MTA3: variants seen among roughly 807,000 people sequenced by gnomAD.
The protein encoded by MTA3 is metastasis associated 1 family member 3.
In MTA3, 34 loss-of-function variants were observed where a neutral mutation model predicts 83.5. The observed-to-expected ratio is 0.41, with a 90% CI of 0.31 to 0.54. The LOEUF (loss-of-function observed/expected upper bound fraction) is 0.54, where lower values mean the gene tolerates loss of function less well. Among genes scored for constraint, MTA3 ranks in the 20% least tolerant of loss-of-function variants. MTA3 has a pLI of 0.33. For synonymous variants in MTA3, 303 were observed against 252.7 expected (o/e 1.20, Z -1.89); for missense variants, 761 against 726.4 (o/e 1.05, Z -0.55).
chr2:42,740,372 A>C (rs1361077012), intron 16 of MTA3, among the ~76,000 whole-genome samples: 1 of 152,218 alleles, frequency 6.6e-6, no homozygotes, highest in Non-Finnish European at 1.5e-5. Flanking sequence ...CTTGCCAGTC[A>C]TAGTAGCACA....
chr2:42,735,239 T>C (rs1668523372), intron 16 of MTA3, among the ~76,000 whole-genome samples: 1 of 152,206 alleles, frequency 6.6e-6, no homozygotes, highest in South Asian at 2.1e-4. Flanking sequence ...GGATATACTA[T>C]TCTAAGATAA....
At chr2:42,727,783 A>G (rs189627530) in intron 16 of MTA3, among the ~76,000 whole-genome samples, 11 of 152,264 alleles carry the variant, frequency 7.2e-5, no homozygotes, top group Non-Finnish European at 1.0e-4. Context: ...TTACGATTGA[A>G]AATTTTCATG....
chr2:42,620,044 C>T (rs1685358501), intron 4 of MTA3, among the ~76,000 whole-genome samples: 1 of 151,984 alleles, frequency 6.6e-6, no homozygotes. Context: ...TAACCATTAA[C>T]CATATACAGT....
chr2:42,617,397 A>G (rs925917116), intron 4 of MTA3, among the ~76,000 whole-genome samples: 5 of 152,224 alleles, frequency 3.3e-5, no homozygotes, highest in African/African-American at 7.2e-5. Context: ...CTAGGAAACA[A>G]TTGTTTTAAT....
intron 16 of MTA3, among the ~76,000 whole-genome samples, chr2:42,726,864 A>C (rs1667858791): frequency 1.3e-5 from 2 of 152,162 alleles, no homozygotes; most frequent in African/African-American, 4.8e-5. Context: ...CCTGTGACCA[A>C]TCTAATAGAA....
chr2:42,579,328 A>T (rs1043141445), intron 3 of MTA3, 128 bp downstream of exon 3: 4 of 642,178 alleles, frequency 6.2e-6, no homozygotes, highest in Non-Finnish European at 1.1e-5. Flanking sequence ...TTTTGATGGG[A>T]GTAAAATAAG....
At chr2:42,636,044 C>G (rs1035232722) in intron 4 of MTA3, among the ~76,000 whole-genome samples, 1 of 152,148 alleles carries the variant, frequency 6.6e-6, no homozygotes, top group African/African-American at 2.4e-5. Context: ...GCTAGGATTA[C>G]AGGCGTGAGC....
chr2:42,524,449 C>T (rs867087287), intron 2 of MTA3, among the ~76,000 whole-genome samples: 4 of 150,596 alleles, frequency 2.7e-5, no homozygotes, highest in East Asian at 1.9e-4. Flanking sequence ...TACAATTGCC[C>T]GCCACCACGC....
intron 5 of MTA3, among the ~76,000 whole-genome samples, chr2:42,641,615 A>T (rs1361202462): frequency 6.6e-6 from 1 of 151,938 alleles, no homozygotes; most frequent in Non-Finnish European, 1.5e-5. Flanking sequence ...TGGGAGGCCG[A>T]GGTGGGCGGA....
intron 4 of MTA3, among the ~76,000 whole-genome samples, chr2:42,616,143 T>C (rs899032043): frequency 6.6e-6 from 1 of 151,590 alleles, no homozygotes; most frequent in African/African-American, 2.4e-5. Flanking sequence ...TCACTGCAAC[T>C]CCGCCTCCCG....
intron 9 of MTA3, among the ~76,000 whole-genome samples, chr2:42,692,299 A>G (rs1692970482): frequency 6.6e-6 from 1 of 151,986 alleles, no homozygotes; most frequent in Non-Finnish European, 1.5e-5. Context: ...TTTCAACTCT[A>G]GAATTTCTGC....
rs756341825 is a variant in MTA3 at position 42,753,588 on chromosome 2, C to T, written c.*189C>T. The T allele has an allele frequency of 1.3e-4, 178 of 1,404,640 alleles. No homozygotes were observed. Among genetic ancestry groups the T allele is most frequent in the Non-Finnish European group, 1.6e-4 (168 of 1,079,240 alleles). The allele number at this position is 1,404,640 out of a possible 1,614,324, so 87.0% of individuals were successfully genotyped here. ...GCACGTTCCAAATCCTGTGTCTCCACGTGTGGATCAGCAGCACCTCGCTTT... is the reference window on the plus strand; with the variant it reads ...GCACGTTCCAAATCCTGTGTCTCCATGTGTGGATCAGCAGCACCTCGCTTT... On this transcript the variant is annotated 3_prime_UTR_variant, in exon 17 of 17. Coordinates refer to ENST00000405094, the MANE Select transcript of MTA3 (RefSeq NM_001330442.2).
intron 2 of MTA3, among the ~76,000 whole-genome samples, chr2:42,527,293 CA>C (rs1179070091): frequency 5.3e-5 from 8 of 152,080 alleles, no homozygotes; most frequent in Admixed American, 3.3e-4. Context: ...TGGAACTAAG[CA>C]AGTTTGAATC....
chr2:42,705,657 G>C (rs1210886061), intron 12 of MTA3, among the ~76,000 whole-genome samples: 1 of 152,154 alleles, frequency 6.6e-6, no homozygotes, highest in Non-Finnish European at 1.5e-5. Context: ...AGTGAGCTGA[G>C]ATTGCACCAT....
At chr2:42,709,445 C>T (rs1294267185) in intron 14 of MTA3, 3 of 363,524 alleles carry the variant, frequency 8.3e-6, no homozygotes, top group Admixed American at 1.0e-4. Context: ...CAATGTAACC[C>T]CTAAGGATGC....
chr2:42,676,552 G>C (rs1429863232), intron 8 of MTA3, among the ~76,000 whole-genome samples: 1 of 152,150 alleles, frequency 6.6e-6, no homozygotes, highest in Non-Finnish European at 1.5e-5. Context: ...GATCGCTTGA[G>C]CCCAGGAGTT....
chr2:42,612,048 A>G (rs1277651964), intron 4 of MTA3, among the ~76,000 whole-genome samples: 3 of 152,192 alleles, frequency 2.0e-5, no homozygotes, highest in African/African-American at 7.2e-5. Flanking sequence ...ATTTGCTGGA[A>G]AAGACAGTTA....
intron 5 of MTA3, among the ~76,000 whole-genome samples, chr2:42,640,829 ATATTTTAG>A: frequency 6.6e-6 from 1 of 152,188 alleles, no homozygotes; most frequent in East Asian, 1.9e-4. Context: ...GGTGGGAAAC[ATATTTTAG>A]TATCAGTGAT....
At position 42,656,282 on chromosome 2, in the gene MTA3, C is replaced by G; in HGVS notation, c.582C>G (p.Asp194Glu). ...GCCCACTTACGGATCGACAGATTGA[C>G]CAGTTTTTAGTTGTAGCACGGTGAG... ...PNSPLTDRQI[D>E]QFLVVARAVG... is the part of the protein sequence containing the mutation. Residue 194 changes from aspartate to glutamate, a missense_variant, in exon 7 of 17, where the codon GAC becomes GAG. By Grantham distance (45) the Asp-to-Glu change is conservative. Transcript: ENST00000405094. The G allele has an allele frequency of 6.2e-7, 1 of 1,613,220 alleles. No individual in the cohort carries two copies. Among genetic ancestry groups the G allele is most frequent in the Non-Finnish European group, 8.5e-7 (1 of 1,179,402 alleles).
Sources: allele counts gnomAD v4.1 joint callset (sites outside exome capture counted in the v4.1 genomes callset), GRCh38; gene constraint gnomAD v4.1.1; transcripts MANE v1.5; gene names NCBI Gene and HGNC (gene_info 2026-07-23, HGNC 2026-07-21).